The following FBXL2 variants were observed in gnomAD, a reference collection of about 807,000 sequenced individuals.
FBXL2 encodes F-box/LRR-repeat protein 2.
Under a neutral mutation model 69.2 loss-of-function variants are expected in FBXL2, and 38 were observed. The observed-to-expected ratio is 0.55, with a 90% CI of 0.42 to 0.72. FBXL2 has a LOEUF of 0.72. FBXL2 is among the 30% of genes least tolerant of loss of function. The pLI is 0.00. For synonymous variants in FBXL2, 192 were observed against 201.3 expected (o/e 0.95, Z 0.39); for missense variants, 354 against 520.3 (o/e 0.68, Z 3.11).
chr3:33,296,898 T>C (rs1386873699), intron 1 of FBXL2, among the ~76,000 whole-genome samples: 1 of 152,152 alleles, frequency 6.6e-6, no homozygotes, highest in East Asian at 1.9e-4. Context: ...TTCATATGAA[T>C]TTTTTGATCA....
intron 5 of FBXL2, among the ~76,000 whole-genome samples, chr3:33,365,528 C>G (rs1344881207): frequency 1.3e-5 from 2 of 152,130 alleles, no homozygotes. Flanking sequence ...ATCTTGAACT[C>G]CCAAAGTGCT....
At chr3:33,345,037 T>C (rs541975619) in intron 2 of FBXL2, among the ~76,000 whole-genome samples, 2 of 152,356 alleles carry the variant, frequency 1.3e-5, no homozygotes, top group East Asian at 1.9e-4. Flanking sequence ...GAAAGTCTTA[T>C]GTTAACTTTT....
chr3:33,314,375 G>A (rs2037485592), intron 2 of FBXL2, among the ~76,000 whole-genome samples: 1 of 152,060 alleles, frequency 6.6e-6, no homozygotes, highest in Admixed American at 6.6e-5. Flanking sequence ...CCTCTTCTAT[G>A]AGTTCAACTT....
chr3:33,401,130 T>G (rs1166511077), intron 12 of FBXL2: 1 of 919,544 alleles, frequency 1.1e-6, no homozygotes, highest in East Asian at 3.0e-5. Flanking sequence ...AAGGCAACAG[T>G]GGGAGACAGC....
intron 9 of FBXL2, among the ~76,000 whole-genome samples, chr3:33,374,632 A>G (rs1037948246): frequency 1.3e-5 from 2 of 152,220 alleles, no homozygotes; most frequent in Non-Finnish European, 2.9e-5. Flanking sequence ...CTACTCAAAA[A>G]TAGGACCTTG....
chr3:33,356,719 T>C (rs1468634912), intron 2 of FBXL2, among the ~76,000 whole-genome samples: 1 of 152,156 alleles, frequency 6.6e-6, no homozygotes, highest in Non-Finnish European at 1.5e-5. Context: ...TGGGAACTCT[T>C]ACGGGTTTCC....
chr3:33,334,928 C>T (rs1434893082), intron 2 of FBXL2, among the ~76,000 whole-genome samples: 1 of 151,638 alleles, frequency 6.6e-6, no homozygotes, highest in Admixed American at 6.6e-5. Context: ...CAAAAATACC[C>T]CTCCCCCCAC....
chr3:33,321,303 C>G (rs2038188726), intron 2 of FBXL2, among the ~76,000 whole-genome samples: 1 of 147,748 alleles, frequency 6.8e-6, no homozygotes, highest in African/African-American at 2.5e-5. Context: ...GAGCCTGACT[C>G]CATCTCAAAA....
intron 1 of FBXL2, among the ~76,000 whole-genome samples, chr3:33,284,770 T>C (rs576373687): frequency 6.6e-6 from 1 of 152,254 alleles, no homozygotes; most frequent in Admixed American, 6.5e-5. Context: ...TTAGCTCTTG[T>C]TGTTGAATTG....
intron 2 of FBXL2, among the ~76,000 whole-genome samples, chr3:33,351,880 A>G (rs2040849693): frequency 1.3e-5 from 2 of 152,012 alleles, no homozygotes; most frequent in African/African-American, 4.8e-5. Context: ...AATCCCAGCA[A>G]CACAGGAGGC....
rs1327550617 is a variant in FBXL2, at chr3:33,387,448, A to G, written c.*1840A>G. The stretch of plus-strand genomic sequence containing the variant: ...AAAACCCCATCTCTACTGAAAATAC[A>G]AAAATTAGCCGGGCGTGGTGCTGGG... On this transcript the variant is annotated 3_prime_UTR_variant, in exon 15 of 15. Coordinates refer to ENST00000484457, the MANE Select transcript of FBXL2 (RefSeq NM_012157.5). 1 of 152,238 alleles carries G rather than the reference A, an allele frequency of 6.6e-6. No individual in the cohort carries two copies. Among genetic ancestry groups the G allele is most frequent in the Non-Finnish European group, 1.5e-5 (1 of 68,110 alleles). The allele number at this position is 152,238 out of a possible 1,614,324, so 9.4% of individuals were successfully genotyped here. A position where few individuals can be genotyped will look rare whatever the true frequency, so the allele number is the denominator to read the frequency against.
the FBXL2 span, among the ~76,000 whole-genome samples, chr3:33,411,861 G>A: frequency 6.6e-6 from 1 of 151,800 alleles, no homozygotes; most frequent in Non-Finnish European, 1.5e-5. Flanking sequence ...GAATATCATC[G>A]TTTCCCCTAC....
intron 12 of FBXL2, among the ~76,000 whole-genome samples, chr3:33,400,763 G>A (rs1308802055): frequency 6.6e-6 from 1 of 152,086 alleles, no homozygotes; most frequent in African/African-American, 2.4e-5. Context: ...TCAGTATTTC[G>A]TAGCAGAGTA....
chr3:33,332,650 T>G (rs1285080834), intron 2 of FBXL2, among the ~76,000 whole-genome samples: 1 of 152,236 alleles, frequency 6.6e-6, no homozygotes, highest in Admixed American at 6.5e-5. Context: ...AGAGTGCACT[T>G]ATTCAGAGCT....
At chr3:33,420,489 T>TTC in the FBXL2 span, among the ~76,000 whole-genome samples, 1 of 78,540 alleles carries the variant, frequency 1.3e-5, no homozygotes, top group African/African-American at 6.6e-5. Context: ...CCATACTGGC[T>TTC]TTTTTTTTTT....
At chr3:33,374,291 C>T (rs759407605) in intron 9 of FBXL2, among the ~76,000 whole-genome samples, 3 of 152,110 alleles carry the variant, frequency 2.0e-5, no homozygotes, top group Non-Finnish European at 2.9e-5. Flanking sequence ...ACTCCTCTCA[C>T]GTTGTTTCAG....
At chr3:33,416,887 G>A in the FBXL2 span, 1 of 1,429,212 alleles carries the variant, frequency 7.0e-7, no homozygotes, top group Non-Finnish European at 9.8e-7. Flanking sequence ...ACATCACTTT[G>A]CTTAACATAA....
intron 12 of FBXL2, among the ~76,000 whole-genome samples, chr3:33,402,432 T>C (rs966407187): frequency 2.0e-5 from 3 of 152,216 alleles, no homozygotes; most frequent in Non-Finnish European, 2.9e-5. Flanking sequence ...CCATTTGATA[T>C]AAGCATTACA....
chr3:33,286,630 C>G (rs145608293), intron 1 of FBXL2, among the ~76,000 whole-genome samples: 1 of 152,106 alleles, frequency 6.6e-6, no homozygotes, highest in Non-Finnish European at 1.5e-5. Flanking sequence ...TGCCCTGCCC[C>G]CAGAGGTGGA....
Sources: gnomAD v4.1 joint callset for allele counts (sites outside exome capture counted in the v4.1 genomes callset) on GRCh38, gnomAD v4.1.1 for gene constraint, MANE v1.5 for transcripts, NCBI Gene and HGNC (gene_info 2026-07-23, HGNC 2026-07-21) for gene names.